Variants in TMTC2 observed in about 807,000 individuals in gnomAD.
The protein encoded by TMTC2 is transmembrane O-mannosyltransferase targeting cadherins 2.
TMTC2 carries 43 observed loss-of-function variants against 82.4 expected under a neutral mutation model. The observed-to-expected ratio is 0.52, with a 90% CI of 0.41 to 0.67. The LOEUF (loss-of-function observed/expected upper bound fraction) is 0.67. TMTC2 is among the 30% of genes least tolerant of loss of function. The probability of loss-of-function intolerance (pLI) is 0.00; values close to 1 mark genes in which losing one functional copy is unlikely to be tolerated. For missense variants in TMTC2, 919 were observed against 1,012.4 expected, an observed-to-expected ratio of 0.91 and a Z score of 1.25; for synonymous variants, 408 against 381.9, an observed-to-expected ratio of 1.07 and a Z score of -0.80.
At position 82,746,181 on chromosome 12, in the gene TMTC2, G is replaced by C. The variant is rs760858832; in HGVS notation, c.83+58512G>C. 1.8e-4 allele frequency among the ~76,000 whole-genome samples: 28 copies of C among 152,310 alleles called. No homozygotes were observed. The East Asian group carries it at 1.9e-3, about 10-fold the overall frequency. Reference sequence around the variant, plus strand: ...ACTGGACACTAGAATACTAAGAACTGCATGTATATTCAAGAAATATTTTTG... The same window carrying C: ...ACTGGACACTAGAATACTAAGAACTCCATGTATATTCAAGAAATATTTTTG... On this transcript the variant is annotated intron_variant, in intron 1 of 11. Transcript: ENST00000321196.
At chr12:83,076,018 A>G (rs1883273981) in intron 11 of TMTC2, among the ~76,000 whole-genome samples, 1 of 152,238 alleles carries the variant, frequency 6.6e-6, no homozygotes, top group African/African-American at 2.4e-5. Flanking sequence ...TTCCATGCTT[A>G]GAAGACAAGG....
At chr12:82,742,018 G>A (rs1875435203) in intron 1 of TMTC2, among the ~76,000 whole-genome samples, 1 of 152,130 alleles carries the variant, frequency 6.6e-6, no homozygotes, top group Admixed American at 6.5e-5. Context: ...TCATGTATAT[G>A]TTTCAGCGTG....
chr12:82,805,990 C>T (rs967201941), intron 1 of TMTC2, among the ~76,000 whole-genome samples: 1 of 152,030 alleles, frequency 6.6e-6, no homozygotes, highest in Non-Finnish European at 1.5e-5. Context: ...TGATGCAGCT[C>T]ATATCCTTGA....
chr12:82,796,629 T>C (rs187929318), intron 1 of TMTC2, among the ~76,000 whole-genome samples: 1 of 152,252 alleles, frequency 6.6e-6, no homozygotes, highest in Non-Finnish European at 1.5e-5. Context: ...TTGCATAACA[T>C]ATTTAATAAA....
intron 1 of TMTC2, among the ~76,000 whole-genome samples, chr12:82,830,574 C>G (rs1181242448): frequency 6.6e-6 from 1 of 152,098 alleles, no homozygotes; most frequent in Non-Finnish European, 1.5e-5. Context: ...CTAATGGTAT[C>G]TTGAAGATAC....
intron 11 of TMTC2, among the ~76,000 whole-genome samples, chr12:83,103,725 T>C (rs918969835): frequency 6.6e-6 from 1 of 152,198 alleles, no homozygotes; most frequent in Non-Finnish European, 1.5e-5. Flanking sequence ...CTTCTCACAC[T>C]GCAAAACATA....
At chr12:82,861,747 A>G (rs1871566363) in intron 2 of TMTC2, among the ~76,000 whole-genome samples, 1 of 152,200 alleles carries the variant, frequency 6.6e-6, no homozygotes, top group Non-Finnish European at 1.5e-5. Flanking sequence ...TTTTGTCAGT[A>G]GTTAATTTTG....
At chr12:82,696,963 C>A in intron 1 of TMTC2, among the ~76,000 whole-genome samples, 1 of 121,418 alleles carries the variant, frequency 8.2e-6, no homozygotes, top group East Asian at 3.2e-4. Flanking sequence ...TACATACATA[C>A]GTATATATAT....
At chr12:82,985,543 T>C (rs896650046) in intron 7 of TMTC2, among the ~76,000 whole-genome samples, 3 of 152,070 alleles carry the variant, frequency 2.0e-5, no homozygotes, top group African/African-American at 7.2e-5. Context: ...CTATAAATAC[T>C]TGAATTTCTA....
chr12:82,738,593 A>G (rs1191064426), intron 1 of TMTC2, among the ~76,000 whole-genome samples: 2 of 152,216 alleles, frequency 1.3e-5, no homozygotes, highest in East Asian at 3.8e-4. Flanking sequence ...GGTTAAGAAC[A>G]GGAAATGTTC....
chr12:82,888,904 A>G (rs1208026180), intron 2 of TMTC2, among the ~76,000 whole-genome samples: 1 of 152,222 alleles, frequency 6.6e-6, no homozygotes, highest in Non-Finnish European at 1.5e-5. Context: ...CAAGATAAGT[A>G]TATTAGAACA....
chr12:82,891,952 G>C (rs1387487236), intron 2 of TMTC2, among the ~76,000 whole-genome samples: 1 of 152,114 alleles, frequency 6.6e-6, no homozygotes, highest in Non-Finnish European at 1.5e-5. Flanking sequence ...TGTGGTCTCA[G>C]CTATTCCAGA....
At chr12:82,916,822 A>C (rs1193200447) in intron 3 of TMTC2, among the ~76,000 whole-genome samples, 2 of 152,178 alleles carry the variant, frequency 1.3e-5, no homozygotes, top group Admixed American at 1.3e-4. Flanking sequence ...AACTACAGAT[A>C]GGGGAAAGAG....
At chr12:82,947,819 G>T (rs1486388549) in intron 4 of TMTC2, among the ~76,000 whole-genome samples, 1 of 152,098 alleles carries the variant, frequency 6.6e-6, no homozygotes, top group Non-Finnish European at 1.5e-5. Context: ...AGCAAGTGCT[G>T]CTGAGTGTAT....
intron 1 of TMTC2, among the ~76,000 whole-genome samples, chr12:82,753,328 T>C (rs1314510357): frequency 6.8e-6 from 1 of 147,948 alleles, no homozygotes; most frequent in East Asian, 2.0e-4. Context: ...CATAATGGCT[T>C]TTTTTTTTTT....
chr12:83,083,545 GT>G (rs1433159022), intron 11 of TMTC2, among the ~76,000 whole-genome samples: 2 of 152,114 alleles, frequency 1.3e-5, no homozygotes, highest in Non-Finnish European at 2.9e-5. Context: ...CATGAATTCT[GT>G]GATGGCAGGT....
chr12:82,774,533 G>C (rs1047460130), intron 1 of TMTC2, among the ~76,000 whole-genome samples: 1 of 151,738 alleles, frequency 6.6e-6, no homozygotes, highest in Non-Finnish European at 1.5e-5. Context: ...AGACAGGAGA[G>C]TTGCTTGAAC....
chr12:82,687,215 G>C lies in TMTC2; in HGVS notation c.-372G>C, dbSNP rs1338165634. ...TCCCGCACCCTTCCACCTCCTCCGA[G>C]TCCCACTCCTCACCTAGGACGCCCC... On this transcript the variant is annotated 5_prime_UTR_variant, in exon 1 of 12. Transcript: ENST00000321196. 3.5e-6 allele frequency: 1 copy of C among 288,908 alleles called. No individual in the cohort carries two copies. Among genetic ancestry groups the C allele is most frequent in the African/African-American group, 2.2e-5 (1 of 45,442 alleles). 17.9% of individuals were successfully genotyped at this position (288,908 alleles called of 1,614,324 possible).
intron 4 of TMTC2, among the ~76,000 whole-genome samples, chr12:82,938,987 G>A (rs1222857274): frequency 1.3e-5 from 2 of 151,868 alleles, no homozygotes; most frequent in Non-Finnish European, 2.9e-5. Context: ...ACTTTTTTAC[G>A]TGTGTGCAGA....
Sources: allele counts gnomAD v4.1 joint callset (sites outside exome capture counted in the v4.1 genomes callset), GRCh38; gene constraint gnomAD v4.1.1; transcripts MANE v1.5; gene names NCBI Gene and HGNC (gene_info 2026-07-23, HGNC 2026-07-21).